The following MRTFA variants were observed in gnomAD, a reference collection of about 807,000 sequenced individuals.
The protein encoded by MRTFA is myocardin-related transcription factor A.
MRTFA carries 20 observed loss-of-function variants against 83.5 expected under a neutral mutation model. That is an observed-to-expected ratio of 0.24 (90% CI 0.17 to 0.35). The LOEUF is 0.35. Ranked by LOEUF, MRTFA falls within the 10% of genes least tolerant of loss-of-function variation. The pLI is 1.00. For synonymous variants in MRTFA, 659 were observed against 541.2 expected (o/e 1.22, Z -3.02); for missense variants, 1,200 against 1,224.7 (o/e 0.98, Z 0.30).
chr22:40,598,844 A>T (rs2147390844), intron 1 of MRTFA, among the ~76,000 whole-genome samples: 1 of 149,940 alleles, frequency 6.7e-6, no homozygotes, highest in South Asian at 2.1e-4. Flanking sequence ...AAAAAAAAAT[A>T]GCCAGGTGTG....
At chr22:40,521,757 C>A (rs943185574) in intron 3 of MRTFA, 4 of 152,258 alleles carry the variant, frequency 2.6e-5, no homozygotes, top group African/African-American at 9.7e-5. Flanking sequence ...CTTGACCTCA[C>A]AAAGGGCTGG....
intron 9 of MRTFA, among the ~76,000 whole-genome samples, chr22:40,421,597 G>A (rs766663822): frequency 2.0e-5 from 3 of 152,214 alleles, no homozygotes; most frequent in Non-Finnish European, 4.4e-5. Context: ...AAGTCACAAT[G>A]TGATCTTGTT....
chr22:40,610,426 G>A (rs1371210839), intron 1 of MRTFA, among the ~76,000 whole-genome samples: 3 of 152,058 alleles, frequency 2.0e-5, no homozygotes, highest in Non-Finnish European at 4.4e-5. Context: ...ACTGACTACT[G>A]TACAGGTAAA....
intron 3 of MRTFA, among the ~76,000 whole-genome samples, chr22:40,548,156 C>T (rs572294534): frequency 1.8e-4 from 27 of 151,846 alleles, no homozygotes; most frequent in African/African-American, 5.3e-4. Flanking sequence ...GTCAGGAGTT[C>T]GAGACCTGCC....
chr22:40,587,809 A>G, intron 2 of MRTFA: 1 of 340,080 alleles, frequency 2.9e-6, no homozygotes, highest in Non-Finnish European at 5.8e-6. Flanking sequence ...CCCAAGATTC[A>G]GCACTGGTCT....
intron 2 of MRTFA, among the ~76,000 whole-genome samples, chr22:40,555,647 T>C (rs1436224733): frequency 6.6e-6 from 1 of 151,662 alleles, no homozygotes; most frequent in African/African-American, 2.4e-5. Context: ...ATAATTTTTT[T>C]TTTTTTTGAG....
chr22:40,557,086 T>C (rs1019237264), intron 2 of MRTFA, among the ~76,000 whole-genome samples: 3 of 152,184 alleles, frequency 2.0e-5, no homozygotes, highest in African/African-American at 7.2e-5. Context: ...CTGTATGCAG[T>C]AGATGGGCCT....
At chr22:40,434,917 C>T (rs540043174) in intron 5 of MRTFA, among the ~76,000 whole-genome samples, 1 of 152,158 alleles carries the variant, frequency 6.6e-6, no homozygotes, top group East Asian at 1.9e-4. Flanking sequence ...CCTGGGGAAC[C>T]GAAACAGAGT....
At chr22:40,460,114 G>C (rs1174772928) in intron 4 of MRTFA, among the ~76,000 whole-genome samples, 2 of 151,572 alleles carry the variant, frequency 1.3e-5, no homozygotes. Flanking sequence ...TAGTAGAGAC[G>C]GGGTTTCACC....
intron 3 of MRTFA, chr22:40,526,203 T>C (rs2054969637): frequency 6.6e-6 from 1 of 152,036 alleles, no homozygotes; most frequent in Non-Finnish European, 1.5e-5. Flanking sequence ...TTGTTGTTGT[T>C]GTTGCTGTTT....
intron 3 of MRTFA, among the ~76,000 whole-genome samples, chr22:40,467,731 A>AT (rs2053833205): frequency 1.3e-5 from 2 of 152,128 alleles, no homozygotes; most frequent in South Asian, 4.1e-4. Flanking sequence ...ACATCTTTCT[A>AT]TGTCATTGTA....
Position 40,411,433 on chromosome 22 carries a change from A to G in MRTFA, c.3053T>C (p.Leu1018Pro), listed in dbSNP as rs779739798. Residue 1018 changes from leucine (L) to proline (P), a missense_variant, in exon 15 of 15, where the codon CTC becomes CCC. Leu to Pro is a moderately conservative substitution (Grantham distance 98, BLOSUM62 -3). This residue lies in a region of MRTFA where 1,107 missense variants were observed against 1,041.8 expected (regional missense o/e 1.06). Transcript: ENST00000355630. ...GTGCAGCTGCAAATCATGGCCATCG[A>G]GGAAGTCTGTGGAGAAGAGGCTGGG... 2.1e-5 allele frequency: 34 copies of G among 1,582,694 alleles called. No homozygotes were observed. Among genetic ancestry groups the G allele is most frequent in the Non-Finnish European group, 2.8e-5 (32 of 1,157,292 alleles).
At chr22:40,575,648 T>G (rs1270621706) in intron 2 of MRTFA, among the ~76,000 whole-genome samples, 1 of 152,212 alleles carries the variant, frequency 6.6e-6, no homozygotes, top group East Asian at 1.9e-4. Context: ...GTGACTTTTC[T>G]TCAGCCAATA....
At chr22:40,507,746 C>T (rs898284797) in intron 3 of MRTFA, among the ~76,000 whole-genome samples, 2 of 151,832 alleles carry the variant, frequency 1.3e-5, no homozygotes, top group African/African-American at 4.8e-5. Flanking sequence ...GGGTGGATCA[C>T]GAGGTCAGGA....
chr22:40,437,821 A>C (rs1457881707), intron 4 of MRTFA, among the ~76,000 whole-genome samples: 1 of 151,292 alleles, frequency 6.6e-6, no homozygotes, highest in Non-Finnish European at 1.5e-5. Flanking sequence ...TCAGTCTCCC[A>C]CGTTTACATT....
intron 3 of MRTFA, among the ~76,000 whole-genome samples, chr22:40,550,628 T>C (rs1186280130): frequency 2.0e-5 from 3 of 152,122 alleles, no homozygotes; most frequent in Admixed American, 6.5e-5. Context: ...GAAGAACACA[T>C]AATTTTCTCT....
intron 1 of MRTFA, among the ~76,000 whole-genome samples, chr22:40,605,618 GGA>G (rs2056311142): frequency 6.6e-6 from 1 of 152,154 alleles, no homozygotes; most frequent in Non-Finnish European, 1.5e-5. Context: ...TTGTTACTCT[GGA>G]AAGAATGGAT....
intron 4 of MRTFA, among the ~76,000 whole-genome samples, chr22:40,441,388 T>C (rs2053270746): frequency 6.6e-6 from 1 of 152,216 alleles, no homozygotes; most frequent in African/African-American, 2.4e-5. Flanking sequence ...CAGCACCCAT[T>C]TTCTTTCTCT....
chr22:40,457,434 A>G (rs373501385), intron 4 of MRTFA, among the ~76,000 whole-genome samples: 5 of 91,426 alleles, frequency 5.5e-5, no homozygotes, highest in South Asian at 6.8e-4. Flanking sequence ...GAAAGAAAGA[A>G]AGAGAAAGAA....
Sources: gnomAD v4.1 joint callset for allele counts (sites outside exome capture counted in the v4.1 genomes callset) on GRCh38, gnomAD v4.1.1 for gene constraint, gnomAD v4.1.1 regional missense constraint, MANE v1.5 for transcripts, NCBI Gene and HGNC (gene_info 2026-07-23, HGNC 2026-07-21) for gene names.